The following SORCS1 variants were observed in gnomAD, a reference collection of about 807,000 sequenced individuals.
SORCS1 encodes VPS10 domain-containing receptor SorCS1.
Under a neutral mutation model 146.1 loss-of-function variants are expected in SORCS1, and 60 were observed. That is an observed-to-expected ratio of 0.41 (90% CI 0.33 to 0.51). SORCS1 has a LOEUF of 0.51. SORCS1 is among the 20% of genes least tolerant of loss of function. SORCS1 has a pLI of 0.21. For synonymous variants in SORCS1, 637 were observed against 584.0 expected (o/e 1.09, Z -1.31); for missense variants, 1,352 against 1,487.6 (o/e 0.91, Z 1.50).
chr10:107,029,984 G>C (rs1021939398), intron 1 of SORCS1, among the ~76,000 whole-genome samples: 1 of 152,332 alleles, frequency 6.6e-6, no homozygotes, highest in African/African-American at 2.4e-5. Flanking sequence ...GTGGAAAGTA[G>C]AGGAGCCTAA....
intron 1 of SORCS1, among the ~76,000 whole-genome samples, chr10:107,050,065 C>T (rs945355400): frequency 4.6e-5 from 7 of 152,170 alleles, no homozygotes; most frequent in African/African-American, 1.7e-4. Context: ...CCCACTAAAA[C>T]ATGATCCTGT....
rs1427597189 is a variant in SORCS1 at position 106,620,518 on chromosome 10, T to C, written c.2706A>G (p.Thr902=). 6.2e-7 allele frequency: 1 copy of C among 1,614,088 alleles called. No individual in the cohort carries two copies. The highest frequency in any genetic ancestry group is 1.1e-5 in the South Asian group (1 of 91,086). ...HVHLSLPFVT[T]KNKEVNATAV... is the part of the protein sequence containing the mutation. ...CCGTCGCATTGACCTCTTTGTTCTT[T>C]GTGGTGACAAAGGGAAGAGACAGGT... Residue 902 remains threonine (T), a synonymous_variant, in exon 20 of 26, where the codon ACA becomes ACG. Transcript: ENST00000263054.
chr10:106,693,711 T>C (rs1193857261), intron 9 of SORCS1, among the ~76,000 whole-genome samples: 1 of 152,220 alleles, frequency 6.6e-6, no homozygotes, highest in Non-Finnish European at 1.5e-5. Flanking sequence ...TTTTTAGGTT[T>C]ACTTTCTGGA....
chr10:106,619,414 T>G (rs1483410988), intron 20 of SORCS1, among the ~76,000 whole-genome samples: 1 of 152,228 alleles, frequency 6.6e-6, no homozygotes, highest in Admixed American at 6.5e-5. Context: ...AAGCCAAGTT[T>G]CAGCTCCAGA....
chr10:106,741,698 G>A (rs1188840010), intron 5 of SORCS1, among the ~76,000 whole-genome samples: 1 of 152,066 alleles, frequency 6.6e-6, no homozygotes. Context: ...TAAGTGTATT[G>A]GCATACATGA....
intron 10 of SORCS1, among the ~76,000 whole-genome samples, chr10:106,682,201 A>G (rs1420062958): frequency 1.3e-5 from 2 of 152,106 alleles, no homozygotes; most frequent in African/African-American, 2.4e-5. Flanking sequence ...CAAAGAAAAG[A>G]TGTCATTTTT....
chr10:106,579,068 G>C, intron 25 of SORCS1: 1 of 1,612,520 alleles, frequency 6.2e-7, no homozygotes, highest in Non-Finnish European at 8.5e-7. Flanking sequence ...CCGAACAGCT[G>C]GTGGCTACTG....
intron 5 of SORCS1, among the ~76,000 whole-genome samples, chr10:106,758,836 C>A (rs570597219): frequency 6.6e-6 from 1 of 152,134 alleles, no homozygotes; most frequent in African/African-American, 2.4e-5. Flanking sequence ...ACTTTAGAAG[C>A]AAGGCTCACA....
chr10:107,011,156 C>T (rs988952738), intron 1 of SORCS1, among the ~76,000 whole-genome samples: 1 of 152,184 alleles, frequency 6.6e-6, no homozygotes, highest in East Asian at 1.9e-4. Context: ...CCTTTATGGA[C>T]CTCTTAACTT....
At chr10:106,712,908 A>G (rs1234181656) in intron 6 of SORCS1, among the ~76,000 whole-genome samples, 1 of 152,234 alleles carries the variant, frequency 6.6e-6, no homozygotes, top group Admixed American at 6.5e-5. Context: ...AAGTTCCCAT[A>G]TGCAAGGAGG....
At chr10:107,133,276 CAG>C (rs1470371022) in intron 1 of SORCS1, among the ~76,000 whole-genome samples, 1 of 152,124 alleles carries the variant, frequency 6.6e-6, no homozygotes, top group African/African-American at 2.4e-5. Context: ...CAGCAGTCCT[CAG>C]AAGAACAGGA....
intron 3 of SORCS1, among the ~76,000 whole-genome samples, chr10:106,816,162 T>C (rs1029202573): frequency 2.6e-5 from 4 of 152,226 alleles, no homozygotes; most frequent in Middle Eastern, 3.4e-3. Flanking sequence ...AATAGAAGAG[T>C]GAAAAAAGTT....
upstream of SORCS1, among the ~76,000 whole-genome samples, chr10:107,165,039 G>T (rs984081916): frequency 2.6e-5 from 4 of 151,836 alleles, no homozygotes; most frequent in African/African-American, 9.7e-5. This position sits in a 1 kb window ranked among gnomAD's most constrained non-coding sequence, Gnocchi z 4.0. Flanking sequence ...CGGAGCAGTC[G>T]ATGTGTCGGG....
chr10:106,841,787 G>A (rs1949056694), intron 2 of SORCS1, among the ~76,000 whole-genome samples: 1 of 152,046 alleles, frequency 6.6e-6, no homozygotes, highest in Non-Finnish European at 1.5e-5. Flanking sequence ...GTTGAATAAT[G>A]TCCCTTTGTC....
intron 3 of SORCS1, among the ~76,000 whole-genome samples, chr10:106,814,636 CG>C (rs1396370195): frequency 1.3e-5 from 2 of 152,048 alleles, no homozygotes; most frequent in African/African-American, 4.8e-5. Flanking sequence ...TGGTCTTGGC[CG>C]GGCGCAGTCG....
At chr10:106,622,049 T>C (rs533478601) in intron 19 of SORCS1, among the ~76,000 whole-genome samples, 11 of 152,186 alleles carry the variant, frequency 7.2e-5, no homozygotes, top group African/African-American at 2.6e-4. Context: ...CCCGACACTT[T>C]TGGAGGCCGA....
intron 1 of SORCS1, among the ~76,000 whole-genome samples, chr10:107,111,489 A>G (rs1031301918): frequency 1.3e-5 from 2 of 152,206 alleles, no homozygotes; most frequent in Admixed American, 6.5e-5. Context: ...TAGTGAATTC[A>G]AAGACAGGCC....
At chr10:106,911,460 T>C (rs903355510) in intron 2 of SORCS1, among the ~76,000 whole-genome samples, 15 of 152,164 alleles carry the variant, frequency 9.9e-5, no homozygotes, top group African/African-American at 3.4e-4. Flanking sequence ...TTCATATTTT[T>C]TTTTTCAGTC....
At chr10:106,987,358 G>C (rs144644735) in intron 1 of SORCS1, among the ~76,000 whole-genome samples, 1 of 152,202 alleles carries the variant, frequency 6.6e-6, no homozygotes, top group Non-Finnish European at 1.5e-5. Context: ...TCCTCTCTCA[G>C]CTCTTTCAGT....
Sources: gnomAD v4.1 joint callset for allele counts (sites outside exome capture counted in the v4.1 genomes callset) on GRCh38, gnomAD v4.1.1 for gene constraint, Gnocchi (gnomAD v3.1) non-coding constraint, MANE v1.5 for transcripts, NCBI Gene and HGNC (gene_info 2026-07-23, HGNC 2026-07-21) for gene names.